Variants in JAG1 observed in about 807,000 individuals in gnomAD.
JAG1 encodes jagged canonical Notch ligand 1, also known as protein jagged-1.
JAG1 carries 23 observed loss-of-function variants against 148.7 expected under a neutral mutation model. The observed-to-expected ratio is 0.15, with a 90% confidence interval of 0.11 to 0.22. JAG1 has a LOEUF of 0.22. Among genes scored for constraint, JAG1 ranks in the 10% least tolerant of loss-of-function variants. The pLI is 1.00. For synonymous variants in JAG1, 572 were observed against 598.3 expected (o/e 0.96, Z 0.64); for missense variants, 1,054 against 1,611.2 (o/e 0.65, Z 5.92).
In JAG1 at chr20:10,638,539, C is replaced by G. The variant is rs2067247895; in HGVS notation, c.*959G>C. 1.3e-5 allele frequency: 2 copies of G among 152,514 alleles called. No individual in the cohort carries two copies. The highest frequency in any genetic ancestry group is 6.5e-5 in the Admixed American group (1 of 15,272). 9.4% of individuals were successfully genotyped at this position (152,514 alleles called of 1,614,324 possible). On this transcript the variant is annotated 3_prime_UTR_variant, in exon 26 of 26. Transcript: ENST00000254958. Reference sequence around the variant, plus strand: ...AGCAGAAAAACAAAAAACAAACAAACAAAAAAACCTGTTCTAAACTAATCC... The same window carrying G: ...AGCAGAAAAACAAAAAACAAACAAAGAAAAAAACCTGTTCTAAACTAATCC...
chr20:10,647,061 G>C lies in JAG1; in HGVS notation c.1763C>G (p.Pro588Arg). ...CTVAMASNDTPEGVRYISSNV... is the reference protein window; with the variant it reads ...CTVAMASNDTREGVRYISSNV... ...GGAGGAAATATACCGCACCCCTTCA[G>C]GTGTGTCGTTGGAAGCCATGGCCAC... Residue 588 changes from proline (P) to arginine (R), a missense_variant, in exon 14 of 26, where the codon CCT (proline) becomes CGT (arginine). Around this residue, in one of 6 missense-constraint regions of JAG1, gnomAD observed 245 missense variants for 373.1 expected, o/e 0.66. Coordinates refer to ENST00000254958, the MANE Select transcript of JAG1 (RefSeq NM_000214.3). 6.2e-7 allele frequency: 1 copy of C among 1,614,228 alleles called. No individual in the cohort carries two copies.
chr20:10,664,679 G>A (rs928298549), intron 2 of JAG1, among the ~76,000 whole-genome samples: 2 of 152,116 alleles, frequency 1.3e-5, no homozygotes, highest in Admixed American at 1.3e-4. Context: ...AGATCCCAGG[G>A]AAGAAAGTAC....
At chr20:10,661,555 GGTGT>G (rs2067417404) in intron 3 of JAG1, among the ~76,000 whole-genome samples, 1 of 152,204 alleles carries the variant, frequency 6.6e-6, no homozygotes, top group Non-Finnish European at 1.5e-5. Flanking sequence ...TGGACAACAC[GGTGT>G]GTAAGACAAG....
chr20:10,641,303 G>T, intron 23 of JAG1, 59 bp from the exon 24 acceptor site: 1 of 1,600,446 alleles, frequency 6.2e-7, no homozygotes. Flanking sequence ...ACAAAAGGCT[G>T]AGATGTTCTC....
rs954540036 is a variant in JAG1, at chr20:10,652,343, C to G, written c.887-93G>C. On this transcript the variant is annotated intron_variant, in intron 6 of 25. Transcript: ENST00000254958. ...CCCAGTCGTCTTTTAAAAAGAAAAA[C>G]CAGAAAACCCACACAGCATTCAAGG... 4 of 1,598,360 alleles carry G rather than the reference C, an allele frequency of 2.5e-6. No individual in the cohort carries two copies. The African/African-American group carries it at 5.4e-5, about 22-fold the overall frequency.
intron 4 of JAG1, among the ~76,000 whole-genome samples, chr20:10,656,872 T>TAA (rs33952645): frequency 2.2e-4 from 25 of 113,346 alleles, no homozygotes; most frequent in East Asian, 9.9e-4. Context: ...CCTCAGCCTT[T>TAA]AAAAAAAAAA....
chr20:10,656,608 G>A (rs1487543153), intron 4 of JAG1, 150 bp from the exon 5 acceptor site: 1 of 677,946 alleles, frequency 1.5e-6, no homozygotes, highest in East Asian at 2.8e-5. Context: ...AAGATGGGAG[G>A]GGCCCAAATA....
chr20:10,647,612 G>A (rs527239834), intron 13 of JAG1, among the ~76,000 whole-genome samples: 1 of 152,196 alleles, frequency 6.6e-6, no homozygotes, highest in Non-Finnish European at 1.5e-5. Context: ...ATACCTGACC[G>A]TGCAGATACA....
chr20:10,665,641 G>C (rs2122634603), intron 2 of JAG1, among the ~76,000 whole-genome samples: 1 of 152,294 alleles, frequency 6.6e-6, no homozygotes, highest in South Asian at 2.1e-4. Context: ...GGCTGATTCT[G>C]TATAATTAAG....
At position 10,673,363 on chromosome 20, in the gene JAG1, G is replaced by A; in HGVS notation, c.81+87C>T. The A allele has an allele frequency of 4.8e-6, 5 of 1,031,922 alleles. No individual in the cohort carries two copies. In the South Asian group the frequency reaches 6.8e-5, roughly 14 times the overall value. The allele number at this position is 1,031,922 out of a possible 1,614,324, so 63.9% of individuals were successfully genotyped here. A position where few individuals can be genotyped will look rare whatever the true frequency, so the allele number is the denominator to read the frequency against. On this transcript the variant is annotated intron_variant, in intron 1 of 25. Transcript: ENST00000254958. The surrounding 1 kb of genome is among the most constrained non-coding windows in gnomAD (Gnocchi z 4.7). ...AGGAGTCGGGCGCTCGAGGGCTGCC[G>A]AGCCTGCTCGCGGGGCTCAACCGCC...
chr20:10,646,360 A>C (rs2067308374), intron 14 of JAG1: 1 of 462,152 alleles, frequency 2.2e-6, no homozygotes, highest in Non-Finnish European at 4.0e-6. Context: ...GGAATCACCC[A>C]ACCTAGCAAC....
chr20:10,648,006 C>G lies in JAG1; in HGVS notation c.1674G>C (p.Lys558Asn). 6.2e-7 allele frequency: 1 copy of G among 1,614,196 alleles called. No individual in the cohort carries two copies. The highest frequency in any genetic ancestry group is 8.5e-7 in the Non-Finnish European group (1 of 1,180,032). Reference sequence around the variant, plus strand: ...AGTGGTCTTTCAGGTGTGAGCAGTTCTTGCCCTCATAGTCCTCGGGGCACT... The same window carrying G: ...AGTGGTCTTTCAGGTGTGAGCAGTTGTTGCCCTCATAGTCCTCGGGGCACT... Reference protein sequence around the residue: ...FCKCPEDYEGKNCSHLKDHCR... With the variant: ...FCKCPEDYEGNNCSHLKDHCR... The change falls in exon 13 of 26, where the codon AAG becomes AAC. Residue 558 changes from lysine (K) to asparagine (N), a missense_variant. By Grantham distance (94) the Lys-to-Asn change is moderately conservative. Transcript: ENST00000254958.
chr20:10,649,651 G>A lies in JAG1; in HGVS notation c.1235-16C>T. On this transcript the variant is annotated splice_polypyrimidine_tract_variant and intron_variant, in intron 9 of 25. Transcript: ENST00000254958. ...TCATTTGCATCTGAAAGGAGATGGG[G>A]ATGAGCATGAGAAATGAAGTTCAAC... 6.8e-7 allele frequency: 1 copy of A among 1,474,956 alleles called. No individual in the cohort carries two copies. Among genetic ancestry groups the A allele is most frequent in the Non-Finnish European group, 9.5e-7 (1 of 1,053,758 alleles). 91.4% of individuals were successfully genotyped at this position (1,474,956 alleles called of 1,614,324 possible).
chr20:10,652,335 A>C, intron 6 of JAG1, 85 bp from the exon 7 acceptor site: 2 of 1,602,892 alleles, frequency 1.2e-6, no homozygotes, highest in Non-Finnish European at 1.7e-6. Context: ...GTCTTTTAAA[A>C]AGAAAAACCA....
intron 2 of JAG1, among the ~76,000 whole-genome samples, chr20:10,670,843 C>T (rs1285424103): frequency 1.3e-5 from 2 of 152,204 alleles, no homozygotes; most frequent in Admixed American, 6.5e-5. Context: ...AGAGCACCAG[C>T]AAATGCAAAT....
chr20:10,666,230 C>T (rs2067453237), intron 2 of JAG1, among the ~76,000 whole-genome samples: 1 of 152,128 alleles, frequency 6.6e-6, no homozygotes, highest in Admixed American at 6.6e-5. Flanking sequence ...CCACTCCATC[C>T]CCACACTATA....
At chr20:10,649,656 G>A (rs747889935) in intron 9 of JAG1, 21 bp from the exon 10 acceptor site, 4 of 1,444,768 alleles carry the variant, frequency 2.8e-6, no homozygotes, top group South Asian at 2.3e-5. Context: ...ATGGGGATGA[G>A]CATGAGAAAT....
intron 25 of JAG1, 88 bp from the exon 26 acceptor site, chr20:10,640,043 C>G: frequency 9.5e-7 from 1 of 1,052,260 alleles, no homozygotes; most frequent in Non-Finnish European, 1.4e-6. Flanking sequence ...AACAGTGGTT[C>G]TCCTGCCCTT....
At position 10,645,618 on chromosome 20, in the gene JAG1, A is replaced by T; in HGVS notation, c.2000-149T>A. The T allele has an allele frequency of 1.4e-6, 1 of 729,136 alleles. No homozygotes were observed. The highest frequency in any genetic ancestry group is 1.5e-5 in the South Asian group (1 of 65,924). 45.2% of individuals were successfully genotyped at this position (729,136 alleles called of 1,614,324 possible). A position where few individuals can be genotyped will look rare whatever the true frequency, so the allele number is the denominator to read the frequency against. On this transcript the variant is annotated intron_variant, in intron 15 of 25. Transcript: ENST00000254958. The surrounding 1 kb of genome is among the most constrained non-coding windows in gnomAD (Gnocchi z 6.1). ...TACTTTAACACAATCAGGCTTTTCC[A>T]GGAATAAAGGAGCTCCCAACTGGGT...
Sources: allele counts gnomAD v4.1 joint callset (sites outside exome capture counted in the v4.1 genomes callset), GRCh38; gene constraint gnomAD v4.1.1; regional missense constraint gnomAD v4.1.1; non-coding constraint Gnocchi (gnomAD v3.1); transcripts MANE v1.5; gene names NCBI Gene and HGNC (gene_info 2026-07-23, HGNC 2026-07-21).